WWOX: variants seen among roughly 807,000 people sequenced by gnomAD.
WWOX encodes WW domain-containing oxidoreductase.
In WWOX, 69 loss-of-function variants were observed where a neutral mutation model predicts 46.2. The ratio of observed to expected loss-of-function variants is 1.49; its 90% CI spans 1.23 to 1.82. The LOEUF (loss-of-function observed/expected upper bound fraction) is 1.82. Ranked by LOEUF, WWOX falls within the 40% of genes most tolerant of loss-of-function variation. The pLI, the probability that WWOX is intolerant of heterozygous loss-of-function variation, is 0.00. For missense variants in WWOX, 919 were observed against 542.6 expected (o/e 1.69, Z -6.89); for synonymous variants, 359 against 202.6 (o/e 1.77, Z -6.56).
intron 8 of WWOX, among the ~76,000 whole-genome samples, chr16:78,485,231 T>C (rs1454724253): frequency 6.6e-6 from 1 of 152,208 alleles, no homozygotes; most frequent in African/African-American, 2.4e-5. Flanking sequence ...ATATACTCCC[T>C]GTCCTCACAC....
chr16:78,771,755 G>C (rs1170988065), intron 8 of WWOX, among the ~76,000 whole-genome samples: 1 of 148,216 alleles, frequency 6.7e-6, no homozygotes, highest in Non-Finnish European at 1.5e-5. Flanking sequence ...TTGGGCAACA[G>C]AGTAAGACTC....
chr16:79,060,187 C>A (rs2048334067), intron 8 of WWOX, among the ~76,000 whole-genome samples: 1 of 152,176 alleles, frequency 6.6e-6, no homozygotes, highest in African/African-American at 2.4e-5. Context: ...ACCCACCAAG[C>A]CTCATTTTTC....
intron 8 of WWOX, among the ~76,000 whole-genome samples, chr16:78,850,418 A>G (rs1293266729): frequency 6.6e-6 from 1 of 152,220 alleles, no homozygotes; most frequent in Non-Finnish European, 1.5e-5. Flanking sequence ...ATTAATGTCA[A>G]ATATCAGCTA....
At chr16:78,993,080 C>T (rs983618297) in intron 8 of WWOX, among the ~76,000 whole-genome samples, 2 of 151,788 alleles carry the variant, frequency 1.3e-5, no homozygotes, top group Admixed American at 6.6e-5. Flanking sequence ...CCCCTTCTTT[C>T]GGGGAGGAAA....
At chr16:78,536,260 G>A (rs1455969954) in intron 8 of WWOX, among the ~76,000 whole-genome samples, 3 of 152,214 alleles carry the variant, frequency 2.0e-5, no homozygotes, top group Middle Eastern at 3.4e-3. Flanking sequence ...TAAATGTCAT[G>A]TAGATTTTAA....
At chr16:78,539,179 C>G (rs146998157) in intron 8 of WWOX, among the ~76,000 whole-genome samples, 2 of 152,326 alleles carry the variant, frequency 1.3e-5, no homozygotes, top group Admixed American at 1.3e-4. Flanking sequence ...CTTTGCAGTG[C>G]ATGACACATA....
intron 8 of WWOX, among the ~76,000 whole-genome samples, chr16:78,501,783 C>T (rs1011822767): frequency 2.1e-4 from 32 of 152,092 alleles, no homozygotes; most frequent in African/African-American, 7.7e-4. Context: ...GTGATCCACC[C>T]ACCTCAGCCT....
intron 8 of WWOX, among the ~76,000 whole-genome samples, chr16:78,492,482 C>T (rs974316940): frequency 2.6e-5 from 4 of 152,088 alleles, no homozygotes; most frequent in African/African-American, 9.7e-5. Context: ...GGACTGTTTG[C>T]ATGTAACGTA....
chr16:78,422,771 A>C (rs534291020), intron 6 of WWOX, among the ~76,000 whole-genome samples: 3 of 125,798 alleles, frequency 2.4e-5, no homozygotes, highest in Admixed American at 8.0e-5. Flanking sequence ...ATATATATAC[A>C]CACATATATA....
chr16:78,514,590 G>C (rs2085443256), intron 8 of WWOX, among the ~76,000 whole-genome samples: 3 of 152,120 alleles, frequency 2.0e-5, no homozygotes, highest in Admixed American at 2.0e-4. Flanking sequence ...ACCGATAAGT[G>C]TACCAGATTT....
intron 4 of WWOX, among the ~76,000 whole-genome samples, chr16:78,129,230 T>C (rs1208541911): frequency 6.6e-6 from 1 of 152,168 alleles, no homozygotes; most frequent in Non-Finnish European, 1.5e-5. Context: ...GCTAGTCTTG[T>C]TGGTGTGTCA....
chr16:78,295,409 A>G (rs1053988315), intron 5 of WWOX, among the ~76,000 whole-genome samples: 1 of 152,152 alleles, frequency 6.6e-6, no homozygotes, highest in African/African-American at 2.4e-5. Flanking sequence ...TTACATTATC[A>G]GAATAAGAAT....
chr16:78,884,695 C>G (rs1328806321), intron 8 of WWOX, among the ~76,000 whole-genome samples: 1 of 152,106 alleles, frequency 6.6e-6, no homozygotes, highest in African/African-American at 2.4e-5. Context: ...ATGAAGTGTC[C>G]TCCGTCATGT....
intron 8 of WWOX, among the ~76,000 whole-genome samples, chr16:78,619,805 A>T (rs2046132914): frequency 1.3e-5 from 2 of 152,112 alleles, no homozygotes; most frequent in African/African-American, 4.8e-5. Flanking sequence ...GCTACTCAGG[A>T]GGCTGAGGCA....
chr16:79,181,268 A>G (rs2050906326), intron 8 of WWOX, among the ~76,000 whole-genome samples: 1 of 152,234 alleles, frequency 6.6e-6, no homozygotes, highest in Non-Finnish European at 1.5e-5. Flanking sequence ...TAGATCAAAC[A>G]AAAATTTTTA....
chr16:78,805,954 C>G (rs2051023938), intron 8 of WWOX, among the ~76,000 whole-genome samples: 2 of 152,126 alleles, frequency 1.3e-5, no homozygotes, highest in Admixed American at 6.5e-5. Context: ...CCCAATGCCA[C>G]CCTATAATCT....
At chr16:78,636,954 G>C (rs563029174) in intron 8 of WWOX, among the ~76,000 whole-genome samples, 3 of 152,286 alleles carry the variant, frequency 2.0e-5, no homozygotes, top group East Asian at 3.9e-4. Context: ...GGTGTGGTTT[G>C]GACGCGTTCC....
At chr16:79,160,339 C>T (rs1157427142) in intron 8 of WWOX, among the ~76,000 whole-genome samples, 1 of 152,084 alleles carries the variant, frequency 6.6e-6, no homozygotes, top group Non-Finnish European at 1.5e-5. Context: ...TGGCACCAAG[C>T]GGGAGGTGGA....
At chr16:78,422,296 T>C (rs1289232227) in intron 6 of WWOX, among the ~76,000 whole-genome samples, 1 of 152,036 alleles carries the variant, frequency 6.6e-6, no homozygotes, top group African/African-American at 2.4e-5. Flanking sequence ...TTTCCCTTTA[T>C]TGCATGCCAA....
Sources: allele counts gnomAD v4.1 joint callset (sites outside exome capture counted in the v4.1 genomes callset), GRCh38; gene constraint gnomAD v4.1.1; transcripts MANE v1.5; gene names NCBI Gene and HGNC (gene_info 2026-07-23, HGNC 2026-07-21).